The following CAMTA1 variants were observed in gnomAD, a reference collection of about 807,000 sequenced individuals.
CAMTA1 encodes calmodulin binding transcription activator 1.
A neutral mutation model predicts 170.9 loss-of-function variants in CAMTA1; 27 were observed. The observed-to-expected ratio is 0.16, with a 90% CI of 0.12 to 0.22. The LOEUF is 0.22. CAMTA1 is among the 10% of genes least tolerant of loss of function. CAMTA1 has a pLI of 1.00. For synonymous variants in CAMTA1, 833 were observed against 891.5 expected (o/e 0.93, Z 1.17); for missense variants, 1,619 against 2,217.2 (o/e 0.73, Z 5.42).
intron 5 of CAMTA1, among the ~76,000 whole-genome samples, chr1:7,276,544 C>T (rs1362513152): frequency 3.3e-5 from 5 of 151,576 alleles, no homozygotes; most frequent in African/African-American, 4.9e-5. Context: ...CTCCTGACCT[C>T]GTGATCCGCT....
chr1:7,734,399 G>C (rs1348354872), intron 12 of CAMTA1, among the ~76,000 whole-genome samples: 1 of 152,200 alleles, frequency 6.6e-6, no homozygotes, highest in Non-Finnish European at 1.5e-5. Flanking sequence ...CCACTACGCA[G>C]CTGGCTCAAA....
intron 3 of CAMTA1, among the ~76,000 whole-genome samples, chr1:6,836,930 C>T (rs1205151926): frequency 1.3e-5 from 2 of 151,502 alleles, no homozygotes; most frequent in Non-Finnish European, 2.9e-5. Flanking sequence ...GTAGCTCATA[C>T]CCTGAAGGAG....
intron 4 of CAMTA1, among the ~76,000 whole-genome samples, chr1:7,137,334 G>A (rs1156688459): frequency 3.3e-5 from 5 of 152,068 alleles, no homozygotes; most frequent in Admixed American, 6.6e-5. Flanking sequence ...ATTCATCACC[G>A]AATCGCTGAA....
intron 7 of CAMTA1, among the ~76,000 whole-genome samples, chr1:7,652,913 A>C (rs1218121088): frequency 6.6e-6 from 1 of 152,212 alleles, no homozygotes. Flanking sequence ...GACCTTGGGC[A>C]AGTTACATAA....
At chr1:7,396,150 C>T (rs146437391) in intron 5 of CAMTA1, among the ~76,000 whole-genome samples, 183 of 152,276 alleles carry the variant, frequency 1.2e-3, no homozygotes, top group South Asian at 3.1e-3. Flanking sequence ...GTCATCCTCG[C>T]AGTAATGAGG....
At chr1:7,138,193 T>C (rs1282380218) in intron 4 of CAMTA1, among the ~76,000 whole-genome samples, 2 of 152,088 alleles carry the variant, frequency 1.3e-5, no homozygotes, top group African/African-American at 4.8e-5. Context: ...CACTATGTTG[T>C]CCAGGCTGGT....
intron 4 of CAMTA1, among the ~76,000 whole-genome samples, chr1:7,122,450 T>C (rs749329663): frequency 6.6e-6 from 1 of 151,934 alleles, no homozygotes; most frequent in Non-Finnish European, 1.5e-5. Flanking sequence ...CTTTAGGGGA[T>C]ATTTGAATGG....
At chr1:7,347,046 T>G (rs2084274185) in intron 5 of CAMTA1, among the ~76,000 whole-genome samples, 1 of 152,182 alleles carries the variant, frequency 6.6e-6, no homozygotes, top group South Asian at 2.1e-4. Context: ...AAGAGCCAAA[T>G]GTTCCTCTCC....
intron 11 of CAMTA1, among the ~76,000 whole-genome samples, chr1:7,725,142 T>G (rs1452356068): frequency 6.6e-6 from 1 of 152,056 alleles, no homozygotes; most frequent in African/African-American, 2.4e-5. Flanking sequence ...AATGATTGAG[T>G]TTTTGTCCGG....
At chr1:7,062,734 T>C (rs528342170) in intron 3 of CAMTA1, among the ~76,000 whole-genome samples, 96 of 152,306 alleles carry the variant, frequency 6.3e-4, no homozygotes, top group African/African-American at 2.2e-3. Flanking sequence ...CCTCTCATAG[T>C]TCCCGAGGCC....
At chr1:7,122,891 C>A (rs902632816) in intron 4 of CAMTA1, among the ~76,000 whole-genome samples, 5 of 152,194 alleles carry the variant, frequency 3.3e-5, no homozygotes, top group Non-Finnish European at 5.9e-5. Context: ...CACTGGTCTC[C>A]CTTTTATACC....
chr1:7,306,101 A>G (rs567941439), intron 5 of CAMTA1, among the ~76,000 whole-genome samples: 1 of 152,188 alleles, frequency 6.6e-6, no homozygotes, highest in East Asian at 1.9e-4. Context: ...AGTGTCTCCT[A>G]GAAGAAAAGT....
intron 4 of CAMTA1, among the ~76,000 whole-genome samples, chr1:7,147,844 A>G (rs565988560): frequency 1.4e-5 from 2 of 138,174 alleles, no homozygotes; most frequent in African/African-American, 2.5e-5. Flanking sequence ...CTCATATACC[A>G]TGCACACACA....
intron 6 of CAMTA1, among the ~76,000 whole-genome samples, chr1:7,604,657 T>C (rs182150226): frequency 3.2e-4 from 48 of 152,328 alleles, no homozygotes; most frequent in African/African-American, 1.0e-3. Flanking sequence ...AGTTTGATCG[T>C]CTGAAGACTT....
At chr1:6,836,350 G>A (rs1354282122) in intron 3 of CAMTA1, among the ~76,000 whole-genome samples, 1 of 152,206 alleles carries the variant, frequency 6.6e-6, no homozygotes, top group East Asian at 1.9e-4. Context: ...GTTTGGGAGA[G>A]TGTTTTCTCT....
intron 6 of CAMTA1, among the ~76,000 whole-genome samples, chr1:7,508,055 C>G (rs527480078): frequency 3.3e-5 from 5 of 152,358 alleles, no homozygotes; most frequent in African/African-American, 1.2e-4. Context: ...AAACAGGGAG[C>G]GAAGCCCTCG....
intron 5 of CAMTA1, among the ~76,000 whole-genome samples, chr1:7,276,299 A>ATTTTTT (rs1440153127): frequency 4.7e-5 from 1 of 21,398 alleles, no homozygotes; most frequent in African/African-American, 4.9e-4. Flanking sequence ...ATATATATAT[A>ATTTTTT]TATATTTTTT....
intron 11 of CAMTA1, among the ~76,000 whole-genome samples, chr1:7,692,485 C>G (rs1244449066): frequency 6.6e-6 from 1 of 152,112 alleles, no homozygotes; most frequent in African/African-American, 2.4e-5. Flanking sequence ...GCCCCTGACC[C>G]AGTCCCACAT....
chr1:7,320,625 A>C (rs1347553454), intron 5 of CAMTA1, among the ~76,000 whole-genome samples: 1 of 133,046 alleles, frequency 7.5e-6, no homozygotes, highest in Non-Finnish European at 1.6e-5. Flanking sequence ...CATCTCCACT[A>C]TCCCCCTGGG....
Sources: allele counts gnomAD v4.1 joint callset (sites outside exome capture counted in the v4.1 genomes callset), GRCh38; gene constraint gnomAD v4.1.1; transcripts MANE v1.5; gene names NCBI Gene and HGNC (gene_info 2026-07-23, HGNC 2026-07-21).